The following WTAP variants were observed in gnomAD, a reference collection of about 807,000 sequenced individuals.
The protein encoded by WTAP is pre-mRNA-splicing regulator WTAP.
WTAP carries 8 observed loss-of-function variants against 50.0 expected under a neutral mutation model. That is an observed-to-expected ratio of 0.16 (90% CI 0.09 to 0.29). The LOEUF (loss-of-function observed/expected upper bound fraction) is 0.29. Among genes scored for constraint, WTAP ranks in the 10% least tolerant of loss-of-function variants. The pLI is 1.00. For missense variants in WTAP, 295 were observed against 470.7 expected, an observed-to-expected ratio of 0.63 and a Z score of 3.45; for synonymous variants, 194 against 169.0, an observed-to-expected ratio of 1.15 and a Z score of -1.15.
chr6:159,735,037 T>C (rs1370414363), intron 1 of WTAP, among the ~76,000 whole-genome samples: 1 of 152,206 alleles, frequency 6.6e-6, no homozygotes, highest in East Asian at 1.9e-4. Context: ...GTTAAGTGAA[T>C]TTTGTATAAT....
intron 1 of WTAP, among the ~76,000 whole-genome samples, chr6:159,727,931 G>A (rs1484483583): frequency 6.6e-6 from 1 of 152,258 alleles, no homozygotes; most frequent in Non-Finnish European, 1.5e-5. Context: ...CCCGGGTTGA[G>A]AGGGGTGCTC....
chr6:159,755,892 A>C lies in WTAP; in HGVS notation c.*281A>C, dbSNP rs1349541885. On this transcript the variant is annotated 3_prime_UTR_variant, in exon 8 of 8. Coordinates refer to ENST00000621533, the MANE Select transcript of WTAP (RefSeq NM_001270531.2). ...GGTCAAGTTATTTTTATATGAGTTA[A>C]TGTGAAATTGTAAATGGAAATTTTT... 2 of 358,188 alleles carry C rather than the reference A, an allele frequency of 5.6e-6. No homozygotes were observed. The highest frequency in any genetic ancestry group is 9.2e-6 in the Non-Finnish European group (2 of 216,576). 22.2% of individuals were successfully genotyped at this position (358,188 alleles called of 1,614,324 possible).
intron 6 of WTAP, among the ~76,000 whole-genome samples, chr6:159,751,390 T>A (rs1779814849): frequency 6.6e-6 from 1 of 152,254 alleles, no homozygotes; most frequent in African/African-American, 2.4e-5. Flanking sequence ...GAAGGTTAGT[T>A]GTAAACACCA....
At chr6:159,742,472 T>TG (rs1316412017) in intron 4 of WTAP, among the ~76,000 whole-genome samples, 1 of 152,160 alleles carries the variant, frequency 6.6e-6, no homozygotes, top group East Asian at 1.9e-4. Context: ...GAATTTGACT[T>TG]GAAGCATGAG....
intron 1 of WTAP, among the ~76,000 whole-genome samples, chr6:159,731,767 A>G (rs1310063252): frequency 6.6e-6 from 1 of 152,158 alleles, no homozygotes; most frequent in African/African-American, 2.4e-5. Context: ...TCTTTTTGAG[A>G]TGGGGAAACT....
chr6:159,745,905 C>T (rs1779547445), intron 5 of WTAP, among the ~76,000 whole-genome samples: 1 of 152,008 alleles, frequency 6.6e-6, no homozygotes, highest in Non-Finnish European at 1.5e-5. Context: ...AGTTTGGATG[C>T]TGTTGTGGAA....
chr6:159,755,253 G>T lies in WTAP; in HGVS notation c.833G>T (p.Ser278Ile). 1.2e-6 allele frequency: 2 copies of T among 1,614,200 alleles called. No individual in the cohort carries two copies. Among genetic ancestry groups the T allele is most frequent in the Non-Finnish European group, 1.7e-6 (2 of 1,180,024 alleles). ...KDCSRLTNGP[S>I]NGSSSRQRTS... ...TGCAGTCGTCTGACAAACGGACCAA[G>T]TAATGGTAGCTCCTCCCGCCAGAGG... The change falls in exon 8 of 8, where the codon AGT becomes ATT. Residue 278 changes from serine to isoleucine, a missense_variant. Around this residue, in one of 2 missense-constraint regions of WTAP, gnomAD observed 175 missense variants for 183.1 expected, o/e 0.96. Transcript: ENST00000621533.
At chr6:159,738,637 ACTT>A (rs1464192975) in intron 2 of WTAP, among the ~76,000 whole-genome samples, 1 of 152,216 alleles carries the variant, frequency 6.6e-6, no homozygotes, top group African/African-American at 2.4e-5. Flanking sequence ...GAACTGCCAT[ACTT>A]CTTCAGATAC....
intron 4 of WTAP, 89 bp from the exon 5 acceptor site, chr6:159,743,574 AAT>A (rs1779389097): frequency 8.1e-7 from 1 of 1,240,024 alleles, no homozygotes; most frequent in Non-Finnish European, 1.1e-6. Context: ...AGACTTGATT[AAT>A]TTTTTGACCC....
intron 1 of WTAP, among the ~76,000 whole-genome samples, chr6:159,731,633 A>C (rs964320885): frequency 6.6e-6 from 1 of 152,182 alleles, no homozygotes; most frequent in African/African-American, 2.4e-5. Context: ...AGAAACACTG[A>C]GTCTGTGTTT....
intron 1 of WTAP, among the ~76,000 whole-genome samples, chr6:159,730,441 C>T (rs1478127251): frequency 2.6e-5 from 4 of 151,296 alleles, no homozygotes; most frequent in South Asian, 2.1e-4. Context: ...TTGTCATTTG[C>T]GCTAAAAAAA....
At chr6:159,732,886 A>AGTGTGTGT (rs67554039) in intron 1 of WTAP, among the ~76,000 whole-genome samples, 5,663 of 146,388 alleles carry the variant, frequency 0.039, 155 homozygotes, top group East Asian at 0.1. Flanking sequence ...ATATATATAT[A>AGTGTGTGT]GTGTGTGTGT....
chr6:159,742,420 ACTT>A (rs1485289313), intron 4 of WTAP, among the ~76,000 whole-genome samples: 2 of 152,186 alleles, frequency 1.3e-5, no homozygotes, highest in Non-Finnish European at 2.9e-5. Flanking sequence ...ACTCAGAACT[ACTT>A]GAAACTTTTC....
chr6:159,736,346 G>C (rs1434666273), intron 2 of WTAP, 51 bp downstream of exon 2: 3 of 1,387,894 alleles, frequency 2.2e-6, no homozygotes, highest in South Asian at 1.3e-5. Flanking sequence ...TTTTTTGGGG[G>C]CTTTTTTAAG....
upstream of WTAP, chr6:159,726,956 T>C (rs1280480659): frequency 7.8e-6 from 10 of 1,286,006 alleles, no homozygotes; most frequent in Admixed American, 2.3e-5. Context: ...CGGATGAGCG[T>C]CACGAACACA....
chr6:159,729,853 T>G (rs1778460915), intron 1 of WTAP, among the ~76,000 whole-genome samples: 2 of 152,204 alleles, frequency 1.3e-5, no homozygotes. Context: ...GGCGCTTGCC[T>G]CCGTTCAGAG....
intron 3 of WTAP, among the ~76,000 whole-genome samples, 155 bp downstream of exon 3, chr6:159,739,200 A>T (rs1036905675): frequency 2.0e-5 from 3 of 152,206 alleles, no homozygotes; most frequent in African/African-American, 7.2e-5. Context: ...CCTATTTCTT[A>T]TATTAACACC....
chr6:159,749,037 C>G (rs1280779710), intron 6 of WTAP: 1 of 994,862 alleles, frequency 1.0e-6, no homozygotes, highest in Non-Finnish European at 1.2e-6. Flanking sequence ...TATATTTAAC[C>G]ATTTAGTTTG....
At chr6:159,740,653 A>G (rs142541091) in intron 3 of WTAP, among the ~76,000 whole-genome samples, 31 of 151,574 alleles carry the variant, frequency 2.0e-4, no homozygotes, top group South Asian at 6.3e-4. Context: ...CAGTGTTTAC[A>G]TAGAAAGTGG....
Sources: gnomAD v4.1 joint callset for allele counts (sites outside exome capture counted in the v4.1 genomes callset) on GRCh38, gnomAD v4.1.1 for gene constraint, gnomAD v4.1.1 regional missense constraint, MANE v1.5 for transcripts, NCBI Gene and HGNC (gene_info 2026-07-23, HGNC 2026-07-21) for gene names.